Variants in DYSF observed in about 807,000 individuals in gnomAD.
DYSF encodes the protein dysferlin.
In DYSF, 212 loss-of-function variants were observed where a neutral mutation model predicts 274.9. The ratio of observed to expected loss-of-function variants is 0.77; its 90% CI spans 0.69 to 0.86. The LOEUF (loss-of-function observed/expected upper bound fraction) is 0.86. Ranked by LOEUF, DYSF falls within the 40% of genes least tolerant of loss-of-function variation. The probability of loss-of-function intolerance (pLI) is 0.00; values close to 1 mark genes in which losing one functional copy is unlikely to be tolerated. For synonymous variants in DYSF, 1,091 were observed against 1,078.7 expected (o/e 1.01, Z -0.22); for missense variants, 2,666 against 2,783.2 (o/e 0.96, Z 0.95).
intron 30 of DYSF, among the ~76,000 whole-genome samples, chr2:71,581,594 C>A (rs1169548888): frequency 2.6e-5 from 4 of 152,216 alleles, no homozygotes; most frequent in African/African-American, 9.7e-5. Context: ...AGCTCCAGAA[C>A]TTTGCTCAGG....
At chr2:71,654,276 G>A (rs895192109) in intron 42 of DYSF, among the ~76,000 whole-genome samples, 1 of 152,234 alleles carries the variant, frequency 6.6e-6, no homozygotes, top group African/African-American at 2.4e-5. Flanking sequence ...GGCTGGGAGT[G>A]TGGGCACACT....
Position 71,553,828 on chromosome 2 carries a change from C to G in DYSF, c.2006C>G (p.Pro669Arg). Residue 669 changes from proline (P) to arginine (R), a missense_variant, in exon 21 of 56, where the codon CCC (proline) becomes CGC (arginine). Transcript: ENST00000410020. ...CCAGGGTGCCACTACTACTACCTAC[C>G]CTGGGGTAACGTGAAACCTGTGGTG... ...VFDGCHYYYL[P>R]WGNVKPVVVL... is the part of the protein sequence containing the mutation. The G allele has an allele frequency of 3.2e-6, 5 of 1,551,604 alleles. No individual in the cohort carries two copies. The highest frequency in any genetic ancestry group is 4.4e-6 in the Non-Finnish European group (5 of 1,140,302).
intron 7 of DYSF, among the ~76,000 whole-genome samples, chr2:71,515,417 A>G (rs1378823102): frequency 4.6e-5 from 7 of 152,134 alleles, no homozygotes; most frequent in Admixed American, 3.9e-4. Context: ...CAGCTCTTCT[A>G]TGGAGCTGTG....
intron 20 of DYSF, 125 bp downstream of exon 20, chr2:71,553,313 A>C: frequency 7.1e-7 from 1 of 1,400,352 alleles, no homozygotes; most frequent in Non-Finnish European, 9.9e-7. Flanking sequence ...TGGCCCTGGC[A>C]AACCTGTTCC....
At chr2:71,532,245 G>A (rs973867303) in intron 14 of DYSF, among the ~76,000 whole-genome samples, 2 of 152,174 alleles carry the variant, frequency 1.3e-5, no homozygotes, top group African/African-American at 4.8e-5. Flanking sequence ...ACAAACATCA[G>A]CATACAGGAA....
intron 30 of DYSF, among the ~76,000 whole-genome samples, chr2:71,575,908 C>T (rs1004209177): frequency 2.0e-5 from 3 of 152,204 alleles, no homozygotes; most frequent in Admixed American, 6.5e-5. Flanking sequence ...CACACGGGCT[C>T]TCTCTGTGTG....
chr2:71,625,216 G>A (rs974822814), intron 41 of DYSF, among the ~76,000 whole-genome samples: 8 of 151,888 alleles, frequency 5.3e-5, no homozygotes, highest in Non-Finnish European at 1.2e-4. Context: ...GATATCTTGG[G>A]TTATCACTTT....
intron 36 of DYSF, among the ~76,000 whole-genome samples, chr2:71,609,980 G>C (rs1184144024): frequency 1.3e-5 from 2 of 152,192 alleles, no homozygotes; most frequent in African/African-American, 4.8e-5. Flanking sequence ...GTCTATCACA[G>C]TCCTTTTAAT....
chr2:71,667,252 GA>G, intron 47 of DYSF, 123 bp from the exon 48 acceptor site: 1 of 1,388,694 alleles, frequency 7.2e-7, no homozygotes, highest in Non-Finnish European at 1.0e-6. Flanking sequence ...TGCTGGGGGT[GA>G]GGCTGCGGGG....
rs1250124727 is a variant in DYSF at position 71,680,041 on chromosome 2, A to G, written c.6063+806A>G. Among the ~76,000 whole-genome samples, 6 of 152,348 alleles carry G rather than the reference A, an allele frequency of 3.9e-5. 1 individual carries two copies. The highest frequency in any genetic ancestry group is 3.9e-4 in the Admixed American group (6 of 15,298). On this transcript the variant is annotated intron_variant, in intron 53 of 55. Coordinates refer to ENST00000410020, the MANE Select transcript of DYSF (RefSeq NM_001130987.2). The stretch of plus-strand genomic sequence containing the variant: ...TTATGTACTGTGTTTATTCCCATCT[A>G]TACATATCTATGAGAAAGTTTAATT...
chr2:71,667,546 C>G, intron 48 of DYSF, 31 bp downstream of exon 48: 1 of 1,613,526 alleles, frequency 6.2e-7, no homozygotes. Context: ...TCCCAGAGTC[C>G]TCGAACTCCA....
chr2:71,500,862 C>T (rs1023814229), intron 3 of DYSF, among the ~76,000 whole-genome samples: 1 of 152,030 alleles, frequency 6.6e-6, no homozygotes, highest in Admixed American at 6.5e-5. Flanking sequence ...GGTCCTGGGG[C>T]TGACTCAGCC....
At chr2:71,651,842 A>G (rs1250395258) in intron 42 of DYSF, among the ~76,000 whole-genome samples, 2 of 152,206 alleles carry the variant, frequency 1.3e-5, no homozygotes, top group African/African-American at 4.8e-5. Context: ...TAAAAAGTTC[A>G]ACATTAGGAA....
Position 71,595,783 on chromosome 2 carries a change from C to T in DYSF, c.3575-2781C>T, listed in dbSNP as rs545117848. ...CAAAGTGCTTGCCTCAGCTAGGGCA[C>T]GATGTGCGCTGCATATGGCTTGTGG... On this transcript the variant is annotated intron_variant, in intron 32 of 55. Transcript: ENST00000410020. 3.7e-3 allele frequency among the ~76,000 whole-genome samples: 558 copies of T among 152,316 alleles called. 8 individuals are homozygous for T. The highest frequency in any genetic ancestry group is 6.4e-3 in the Non-Finnish European group (438 of 68,020).
chr2:71,681,224 A>G, intron 54 of DYSF, 114 bp downstream of exon 54: 2 of 964,354 alleles, frequency 2.1e-6, no homozygotes, highest in East Asian at 2.6e-5. Flanking sequence ...CGTGGCTCAG[A>G]GAGGGGCACG....
rs1180007026 is a variant in DYSF, at chr2:71,618,533, G to A, written c.4465-2014G>A. Reference sequence around the variant, plus strand: ...GTAGAGGTGTGTGTGTGGTAGAGGTGGGGTGTGTGTGTGTGGTAGAGGTGG... The same window carrying A: ...GTAGAGGTGTGTGTGTGGTAGAGGTAGGGTGTGTGTGTGTGGTAGAGGTGG... On this transcript the variant is annotated intron_variant, in intron 40 of 55. Transcript: ENST00000410020. 6.6e-5 allele frequency among the ~76,000 whole-genome samples: 9 copies of A among 136,288 alleles called. No homozygotes were observed. The East Asian group carries it at 2.1e-3, about 32-fold the overall frequency. The allele number at this position is 136,288 out of a possible 152,430, so 89.4% of individuals were successfully genotyped here.
chr2:71,528,505 G>T, intron 14 of DYSF, 104 bp downstream of exon 14: 1 of 980,284 alleles, frequency 1.0e-6, no homozygotes, highest in Non-Finnish European at 1.6e-6. Context: ...CCCCACCAGA[G>T]GTGTGTGCAC....
At chr2:71,492,233 G>C (rs574023154) in intron 3 of DYSF, among the ~76,000 whole-genome samples, 1 of 152,174 alleles carries the variant, frequency 6.6e-6, no homozygotes, top group African/African-American at 2.4e-5. Flanking sequence ...GATACTGGCC[G>C]GAAGGCTGCC....
rs758630509 is a variant in DYSF at position 71,669,101 on chromosome 2, C to T, written c.5547-11C>T. 1.3e-6 allele frequency: 2 copies of T among 1,582,930 alleles called. No homozygotes were observed. The highest frequency in any genetic ancestry group is 2.3e-5 in the East Asian group (1 of 44,164). On this transcript the variant is annotated splice_polypyrimidine_tract_variant and intron_variant, in intron 49 of 55. Transcript: ENST00000410020. ...GAAATCTAGGTGGATTAGAGTGATACCTTTCCCCAGGTTTTTCCTGCGTTG... is the reference window on the plus strand; with the variant it reads ...GAAATCTAGGTGGATTAGAGTGATATCTTTCCCCAGGTTTTTCCTGCGTTG...
Sources: gnomAD v4.1 joint callset for allele counts (sites outside exome capture counted in the v4.1 genomes callset) on GRCh38, gnomAD v4.1.1 for gene constraint, MANE v1.5 for transcripts, NCBI Gene and HGNC (gene_info 2026-07-23, HGNC 2026-07-21) for gene names.